The following SPACA7 variants were observed in gnomAD, a reference collection of about 807,000 sequenced individuals.
The protein encoded by SPACA7 is sperm acrosome associated 7.
In SPACA7, 19 loss-of-function variants were observed where a neutral mutation model predicts 26.3. The observed-to-expected ratio is 0.72, with a 90% CI of 0.50 to 1.06. SPACA7 has a LOEUF of 1.06. Among genes scored for constraint, SPACA7 ranks in the 50% least tolerant of loss-of-function variants. The probability of loss-of-function intolerance (pLI) is 0.00; values close to 1 mark genes in which losing one functional copy is unlikely to be tolerated. For missense variants in SPACA7, 211 were observed against 229.9 expected (o/e 0.92, Z 0.53); for synonymous variants, 84 against 84.5 (o/e 0.99, Z 0.04).
chr13:112,432,247 G>T (rs1313228266), intron 5 of SPACA7, among the ~76,000 whole-genome samples, 197 bp from the exon 6 acceptor site: 1 of 152,196 alleles, frequency 6.6e-6, no homozygotes, highest in East Asian at 1.9e-4. Flanking sequence ...ACACTTTCTG[G>T]GGCTTGCTGG....
chr13:112,383,096 AAG>A, intron 1 of SPACA7, among the ~76,000 whole-genome samples: 2 of 45,316 alleles, frequency 4.4e-5, no homozygotes, highest in Non-Finnish European at 8.7e-5. Flanking sequence ...GAAAGAAAGA[AAG>A]AAGAAAGAAA....
chr13:112,407,664 C>T (rs1305608844), intron 5 of SPACA7, among the ~76,000 whole-genome samples: 1 of 152,112 alleles, frequency 6.6e-6, no homozygotes, highest in Non-Finnish European at 1.5e-5. Context: ...CAAGACTAAA[C>T]CAGGAAGAAG....
chr13:112,430,520 A>G (rs75184895), intron 5 of SPACA7, among the ~76,000 whole-genome samples: 2,654 of 152,308 alleles, frequency 0.017, 65 homozygotes, highest in African/African-American at 0.061. Flanking sequence ...TTCAAATACT[A>G]GATTTTTACC....
Position 112,385,238 on chromosome 13 carries a change from G to A in SPACA7, c.95-7783G>A, listed in dbSNP as rs367929647. On this transcript the variant is annotated intron_variant, in intron 1 of 6. Transcript: ENST00000283550. ...TTGTCCCATTACTCTTTTAGGTTAAGACAATCTTTAAAACTCTCTGAACTA... is the reference window on the plus strand; with the variant it reads ...TTGTCCCATTACTCTTTTAGGTTAAAACAATCTTTAAAACTCTCTGAACTA... Among the ~76,000 whole-genome samples, 17 of 152,176 alleles carry A rather than the reference G, an allele frequency of 1.1e-4. No individual in the cohort carries two copies. In the East Asian group the frequency reaches 3.1e-3, roughly 28 times the overall value.
chr13:112,393,017 C>T lies in SPACA7; in HGVS notation c.95-4C>T. On this transcript the variant is annotated splice_region_variant and splice_polypyrimidine_tract_variant and intron_variant, in intron 1 of 6. Transcript: ENST00000283550. Reference sequence around the variant, plus strand: ...TAAACTGTAGGGTTTTTATTTCCTTCTAGGTTCACCTACTGAAATACCATT... The same window carrying T: ...TAAACTGTAGGGTTTTTATTTCCTTTTAGGTTCACCTACTGAAATACCATT... 5 of 1,609,472 alleles carry T rather than the reference C, an allele frequency of 3.1e-6. No homozygotes were observed. Among genetic ancestry groups the T allele is most frequent in the Non-Finnish European group, 4.2e-6 (5 of 1,176,862 alleles).
At chr13:112,394,525 G>A (rs1316839798) in intron 2 of SPACA7, among the ~76,000 whole-genome samples, 2 of 123,050 alleles carry the variant, frequency 1.6e-5, no homozygotes, top group African/African-American at 5.5e-5. Flanking sequence ...ACATCTGGGT[G>A]GGAGAGGCCT....
chr13:112,412,344 A>G (rs184415214), intron 5 of SPACA7, among the ~76,000 whole-genome samples: 72 of 151,860 alleles, frequency 4.7e-4, no homozygotes, highest in Non-Finnish European at 8.5e-4. Flanking sequence ...ATATATTCTG[A>G]TATTCTGGTA....
At chr13:112,401,456 C>A (rs117624796) in intron 5 of SPACA7, among the ~76,000 whole-genome samples, 2 of 152,236 alleles carry the variant, frequency 1.3e-5, no homozygotes, top group East Asian at 3.9e-4. Flanking sequence ...AGCCTCATTT[C>A]TCAAAGCTGT....
chr13:112,382,305 G>A (rs2138861922), intron 1 of SPACA7: 1 of 836,934 alleles, frequency 1.2e-6, no homozygotes, highest in Non-Finnish European at 1.8e-6. Flanking sequence ...AGACTGGAGT[G>A]CAGAGGCGCC....
At chr13:112,414,943 A>G (rs1244731380) in intron 5 of SPACA7, among the ~76,000 whole-genome samples, 1 of 152,136 alleles carries the variant, frequency 6.6e-6, no homozygotes, top group Admixed American at 6.5e-5. Context: ...GTTTCTACCC[A>G]TCCTTCAGAG....
chr13:112,390,007 C>A (rs1928939), intron 1 of SPACA7, among the ~76,000 whole-genome samples: 1 of 152,010 alleles, frequency 6.6e-6, no homozygotes, highest in African/African-American at 2.4e-5. Flanking sequence ...AATGCCCCAC[C>A]TGTTTCCAGT....
At chr13:112,419,734 G>A (rs1433206959) in intron 5 of SPACA7, among the ~76,000 whole-genome samples, 1 of 152,118 alleles carries the variant, frequency 6.6e-6, no homozygotes, top group Admixed American at 6.5e-5. Context: ...AAGTGACATG[G>A]GTGCTGATCA....
At position 112,414,120 on chromosome 13, in the gene SPACA7, T is replaced by C. The variant is rs541566290; in HGVS notation, c.445+12956T>C. 5.3e-5 allele frequency among the ~76,000 whole-genome samples: 8 copies of C among 152,238 alleles called. No homozygotes were observed. The East Asian group carries it at 1.5e-3, about 29-fold the overall frequency. ...GCTGTTTATGAGGGATCCACCCTCA[T>C]GACCCAAACACCTCCCAGAAGGCCC... is the stretch of plus-strand genomic sequence containing the variant. On this transcript the variant is annotated intron_variant, in intron 5 of 6. Transcript: ENST00000283550.
chr13:112,432,489 A>C lies in SPACA7; in HGVS notation c.491A>C (p.Asp164Ala). 1 of 1,611,636 alleles carries C rather than the reference A, an allele frequency of 6.2e-7. No individual in the cohort carries two copies. Among genetic ancestry groups the C allele is most frequent in the Non-Finnish European group, 8.5e-7 (1 of 1,177,696 alleles). The change falls in exon 6 of 7, where the codon GAC (aspartate) becomes GCC (alanine). Residue 164 changes from aspartate (D) to alanine (A), a missense_variant. Coordinates refer to ENST00000283550, the MANE Select transcript of SPACA7 (RefSeq NM_145248.5). ...CAGTATGAAAATCTATCCATTCTGG[A>C]CCAAATCCTTCAAAATATTGGAAGA... ...NTQYENLSILDQILQNIGRSS... is the reference protein window; with the variant it reads ...NTQYENLSILAQILQNIGRSS...
intron 5 of SPACA7, among the ~76,000 whole-genome samples, chr13:112,420,887 A>G (rs1423852855): frequency 6.6e-6 from 1 of 152,224 alleles, no homozygotes; most frequent in Non-Finnish European, 1.5e-5. Flanking sequence ...CAAACTTCAT[A>G]TCAGAAACTA....
chr13:112,410,356 A>C (rs1006124025), intron 5 of SPACA7, among the ~76,000 whole-genome samples: 2 of 151,616 alleles, frequency 1.3e-5, no homozygotes, highest in African/African-American at 4.9e-5. Flanking sequence ...CCTAGAACTT[A>C]AAGTACAATT....
chr13:112,428,677 T>A (rs1322836281), intron 5 of SPACA7, among the ~76,000 whole-genome samples: 1 of 152,262 alleles, frequency 6.6e-6, no homozygotes, highest in Non-Finnish European at 1.5e-5. Flanking sequence ...TATTGATTTA[T>A]AATTTAATTT....
chr13:112,394,739 C>A (rs181861871), intron 2 of SPACA7, among the ~76,000 whole-genome samples: 1 of 152,296 alleles, frequency 6.6e-6, no homozygotes, highest in Non-Finnish European at 1.5e-5. Flanking sequence ...GTGAAGCTGG[C>A]GGGTGCCAGA....
intron 5 of SPACA7, among the ~76,000 whole-genome samples, chr13:112,405,763 C>A (rs1249628639): frequency 6.6e-6 from 1 of 152,102 alleles, no homozygotes; most frequent in African/African-American, 2.4e-5. Context: ...TGTAAAAATT[C>A]TCTATTATAA....
Sources: allele counts gnomAD v4.1 joint callset (sites outside exome capture counted in the v4.1 genomes callset), GRCh38; gene constraint gnomAD v4.1.1; transcripts MANE v1.5; gene names NCBI Gene and HGNC (gene_info 2026-07-23, HGNC 2026-07-21).